ATG4B: variants seen among roughly 807,000 people sequenced by gnomAD.
ATG4B encodes cysteine protease ATG4B.
A neutral mutation model predicts 56.6 loss-of-function variants in ATG4B; 29 were observed. That is an observed-to-expected ratio of 0.51 (90% confidence interval 0.38 to 0.70). The LOEUF is 0.70. ATG4B is among the 30% of genes least tolerant of loss of function. The pLI is 0.00. For synonymous variants in ATG4B, 224 were observed against 206.1 expected, an observed-to-expected ratio of 1.09 and a Z score of -0.74; for missense variants, 461 against 515.5, an observed-to-expected ratio of 0.89 and a Z score of 1.02.
At chr2:241,646,446 T>A (rs1425625644) in intron 1 of ATG4B, among the ~76,000 whole-genome samples, 2 of 152,218 alleles carry the variant, frequency 1.3e-5, no homozygotes, top group East Asian at 3.8e-4. Context: ...TACGCCACAT[T>A]CTTCTGAAGT....
intron 6 of ATG4B, among the ~76,000 whole-genome samples, chr2:241,657,539 G>C (rs1270999872): frequency 6.6e-6 from 1 of 151,804 alleles, no homozygotes; most frequent in Non-Finnish European, 1.5e-5. Context: ...TCCTGACCTC[G>C]TGATCCACCT....
chr2:241,658,486 C>T (rs574075365), intron 6 of ATG4B, among the ~76,000 whole-genome samples: 1 of 152,168 alleles, frequency 6.6e-6, no homozygotes, highest in Non-Finnish European at 1.5e-5. Flanking sequence ...AGGGCCTTTT[C>T]TATTGTTTTA....
chr2:241,642,830 CTAA>C (rs75474691), intron 1 of ATG4B, among the ~76,000 whole-genome samples: 19,950 of 132,038 alleles, frequency 0.15, 1,637 homozygotes, highest in East Asian at 0.38. Context: ...AGAACTGCTT[CTAA>C]GGGGGACTCT....
intron 7 of ATG4B, among the ~76,000 whole-genome samples, chr2:241,664,530 C>T (rs1357608768): frequency 6.6e-6 from 1 of 152,032 alleles, no homozygotes; most frequent in Non-Finnish European, 1.5e-5. Context: ...ACAGTAAGAC[C>T]CTGTCTCAAA....
intron 7 of ATG4B, among the ~76,000 whole-genome samples, chr2:241,663,141 G>A (rs963536375): frequency 2.0e-5 from 3 of 152,228 alleles, no homozygotes; most frequent in African/African-American, 4.8e-5. Flanking sequence ...GCTGAGGCAC[G>A]AGAATTGCTT....
chr2:241,656,993 C>G (rs541997704), intron 6 of ATG4B, among the ~76,000 whole-genome samples: 1 of 124,116 alleles, frequency 8.1e-6, no homozygotes, highest in African/African-American at 3.1e-5. Context: ...TTTTTTGAGA[C>G]AGTCTAGCTC....
chr2:241,668,373 C>T lies in ATG4B; in HGVS notation c.811+152C>T. On this transcript the variant is annotated intron_variant, in intron 9 of 12. Coordinates refer to ENST00000404914, the MANE Select transcript of ATG4B (RefSeq NM_013325.5). This position sits in a 1 kb window ranked among gnomAD's most constrained non-coding sequence, Gnocchi z 4.2. ...TTTTCAGCCTGGTCGCGGGCGGCCT[C>T]CTGTGTGCCCCTTTCCCTGATGGTC... is the stretch of plus-strand genomic sequence containing the variant. 1.5e-6 allele frequency: 2 copies of T among 1,348,960 alleles called. No homozygotes were observed. The highest frequency in any genetic ancestry group is 2.5e-5 in the East Asian group (1 of 39,916). 83.6% of individuals were successfully genotyped at this position (1,348,960 alleles called of 1,614,324 possible). A position where few individuals can be genotyped will look rare whatever the true frequency, so the allele number is the denominator to read the frequency against.
rs755654689 is a variant in ATG4B, at chr2:241,668,473, C to A, written c.812-67C>A. The A allele has an allele frequency of 6.4e-7, 1 of 1,555,628 alleles. No individual in the cohort carries two copies. On this transcript the variant is annotated intron_variant, in intron 9 of 12. Transcript: ENST00000404914. The surrounding 1 kb of genome is among the most constrained non-coding windows in gnomAD (Gnocchi z 4.2). ...ATGTGGGTGCAGTGGGTCTGAAATG[C>A]GGCCTCCTCTGTCCCTTTCCTCTGC...
chr2:241,658,663 TTC>T (rs1297137434), intron 6 of ATG4B, among the ~76,000 whole-genome samples: 1 of 152,144 alleles, frequency 6.6e-6, no homozygotes, highest in African/African-American at 2.4e-5. Context: ...AGCTGCAGAT[TTC>T]TCTATAAGGA....
chr2:241,653,187 C>T, intron 3 of ATG4B: 4 of 677,144 alleles, frequency 5.9e-6, no homozygotes, highest in South Asian at 3.0e-5. Context: ...TTGGAAAATG[C>T]GTTGTTTTGT....
chr2:241,643,329 T>C (rs1316867209), intron 1 of ATG4B, among the ~76,000 whole-genome samples: 1 of 150,334 alleles, frequency 6.7e-6, no homozygotes. Context: ...CTCACATTCC[T>C]CAGTAGCTAA....
At chr2:241,653,285 C>T (rs753280898) in intron 3 of ATG4B, 24 of 1,498,486 alleles carry the variant, frequency 1.6e-5, no homozygotes, top group South Asian at 1.5e-4. Flanking sequence ...CTGACTTGTT[C>T]ATGTGTTTTG....
rs1445823606 is a variant in ATG4B, at chr2:241,672,106, C to CA, written c.1109-84dup. 13 of 1,530,824 alleles carry CA rather than the reference C, an allele frequency of 8.5e-6. No individual in the cohort carries two copies. The African/African-American group carries it at 1.5e-4, about 18-fold the overall frequency. 94.8% of individuals were successfully genotyped at this position (1,530,824 alleles called of 1,614,324 possible). Reference sequence around the variant, plus strand: ...TGTGGGCTGCAGAGCAGGCACTGCTCAGTCTGCCCCACGCCAAGGGCCCTT... The same window carrying CA: ...TGTGGGCTGCAGAGCAGGCACTGCTCAAGTCTGCCCCACGCCAAGGGCCCTT... On this transcript the variant is annotated intron_variant, in intron 12 of 12. Coordinates refer to ENST00000404914, the MANE Select transcript of ATG4B (RefSeq NM_013325.5).
At position 241,653,555 on chromosome 2, in the gene ATG4B, G is replaced by C. The variant is rs952935168; in HGVS notation, c.228G>C (p.Leu76=). The C allele has an allele frequency of 1.9e-6, 3 of 1,583,568 alleles. No individual in the cohort carries two copies. In the African/African-American group the frequency reaches 4.0e-5, roughly 21 times the overall value. ...PTSDTGWGCM[L]RCGQMIFAQA... is the part of the protein sequence containing the mutation. ...CGGACACAGGCTGGGGCTGCATGCT[G>C]CGGTGTGGACAGATGATCTTTGCCC... Residue 76 remains leucine (L), a synonymous_variant, in exon 4 of 13, where the codon CTG becomes CTC. Coordinates refer to ENST00000404914, the MANE Select transcript of ATG4B (RefSeq NM_013325.5).
rs1252351922 is a variant in ATG4B at position 241,672,232 on chromosome 2, G to C, written c.1150G>C (p.Glu384Gln). The C allele has an allele frequency of 6.3e-7, 1 of 1,585,434 alleles. No homozygotes were observed. The highest frequency in any genetic ancestry group is 8.6e-7 in the Non-Finnish European group (1 of 1,165,408). ...GCGACTGGAAAGATTCTTCGACTCA[G>C]AAGATGAAGACTTTGAAATCCTGTC... ...VERLERFFDS[E>Q]DEDFEILSL Residue 384 changes from glutamate to glutamine, a missense_variant, in exon 13 of 13, where the codon GAA (glutamate) becomes CAA (glutamine). By Grantham distance (29) the Glu-to-Gln change is conservative. Coordinates refer to ENST00000404914, the MANE Select transcript of ATG4B (RefSeq NM_013325.5).
intron 1 of ATG4B, among the ~76,000 whole-genome samples, chr2:241,642,872 CTTT>C (rs1165718825): frequency 9.6e-6 from 1 of 104,258 alleles, no homozygotes; most frequent in Non-Finnish European, 1.8e-5. Context: ...CCTCTCCGTC[CTTT>C]TTTTTTTTTT....
chr2:241,643,137 G>C (rs888973085), intron 1 of ATG4B, among the ~76,000 whole-genome samples: 1 of 151,424 alleles, frequency 6.6e-6, no homozygotes, highest in Non-Finnish European at 1.5e-5. Flanking sequence ...TGCCCGCCTC[G>C]GCCTCCCAAA....
At chr2:241,664,108 G>A (rs531538397) in intron 7 of ATG4B, among the ~76,000 whole-genome samples, 5 of 152,126 alleles carry the variant, frequency 3.3e-5, no homozygotes, top group Admixed American at 1.3e-4. Flanking sequence ...GTGAGCCACC[G>A]TGCCTGGACC....
chr2:241,659,560 T>A (rs2125133816), intron 7 of ATG4B: 1 of 353,232 alleles, frequency 2.8e-6, no homozygotes, highest in South Asian at 2.1e-5. Context: ...CATCTCTAGC[T>A]GCACCATCTC....
Sources: allele counts gnomAD v4.1 joint callset (sites outside exome capture counted in the v4.1 genomes callset), GRCh38; gene constraint gnomAD v4.1.1; non-coding constraint Gnocchi (gnomAD v3.1); transcripts MANE v1.5; gene names NCBI Gene and HGNC (gene_info 2026-07-23, HGNC 2026-07-21).